The following RGS6 variants were observed in gnomAD, a reference collection of about 807,000 sequenced individuals.
RGS6 encodes regulator of G-protein signaling 6.
RGS6 carries 30 observed loss-of-function variants against 78.5 expected under a neutral mutation model. That is an observed-to-expected ratio of 0.38 (90% CI 0.29 to 0.52). RGS6 has a LOEUF of 0.52. Among genes scored for constraint, RGS6 ranks in the 20% least tolerant of loss-of-function variants. The pLI, the probability that RGS6 is intolerant of heterozygous loss-of-function variation, is 0.85. For synonymous variants in RGS6, 206 were observed against 206.0 expected, an observed-to-expected ratio of 1.00 and a Z score of 0.00; for missense variants, 495 against 609.7, an observed-to-expected ratio of 0.81 and a Z score of 1.98.
intron 2 of RGS6, among the ~76,000 whole-genome samples, chr14:72,168,470 C>G (rs187682133): frequency 3.3e-5 from 5 of 152,004 alleles, no homozygotes; most frequent in Non-Finnish European, 5.9e-5. Context: ...GAGCACTGGT[C>G]GAGATGTTCC....
chr14:72,501,560 T>C (rs555899968), intron 13 of RGS6, among the ~76,000 whole-genome samples: 30 of 152,170 alleles, frequency 2.0e-4, no homozygotes, highest in Admixed American at 1.3e-4. Flanking sequence ...AAGAAAATAG[T>C]GATTGCCAGG....
At chr14:72,012,213 T>A (rs1330459804) in intron 2 of RGS6, among the ~76,000 whole-genome samples, 2 of 152,142 alleles carry the variant, frequency 1.3e-5, no homozygotes, top group African/African-American at 4.8e-5. Context: ...TTAAAAAAAA[T>A]TTAGACAAGC....
At chr14:72,334,917 A>T (rs1225680832) in intron 2 of RGS6, among the ~76,000 whole-genome samples, 1 of 152,028 alleles carries the variant, frequency 6.6e-6, no homozygotes, top group Non-Finnish European at 1.5e-5. Context: ...GCAGCCTCTG[A>T]TATGGTTTGG....
At chr14:71,943,602 GC>G in intron 1 of RGS6, among the ~76,000 whole-genome samples, 1 of 152,312 alleles carries the variant, frequency 6.6e-6, no homozygotes. Context: ...GGAGAAGGCA[GC>G]GTGGGCAAGA....
chr14:72,375,227 A>T (rs984173229), intron 3 of RGS6, among the ~76,000 whole-genome samples: 3 of 152,212 alleles, frequency 2.0e-5, no homozygotes, highest in Non-Finnish European at 4.4e-5. Flanking sequence ...AAATTTAAAG[A>T]TCTAATAGTT....
At chr14:72,308,953 CT>C (rs1433528983) in intron 2 of RGS6, among the ~76,000 whole-genome samples, 1 of 152,144 alleles carries the variant, frequency 6.6e-6, no homozygotes, top group African/African-American at 2.4e-5. Context: ...TCTAAAAAGC[CT>C]CTCTCAACAG....
At chr14:72,438,536 C>T (rs578011052) in intron 3 of RGS6, among the ~76,000 whole-genome samples, 3 of 152,324 alleles carry the variant, frequency 2.0e-5, no homozygotes, top group East Asian at 1.9e-4. Context: ...TAAGCTCCAC[C>T]GTGCACCCAA....
intron 17 of RGS6, among the ~76,000 whole-genome samples, chr14:72,558,767 C>G (rs2097625263): frequency 6.6e-6 from 1 of 152,206 alleles, no homozygotes; most frequent in Non-Finnish European, 1.5e-5. Context: ...CTGGATTACA[C>G]TTTGCCAAAT....
chr14:72,174,249 A>G (rs866330497), intron 2 of RGS6, among the ~76,000 whole-genome samples: 13 of 152,362 alleles, frequency 8.5e-5, no homozygotes, highest in Middle Eastern at 6.8e-3. Context: ...CTGGGATTAC[A>G]GGCATAGGCC....
chr14:72,381,975 T>C (rs2086256064), intron 3 of RGS6, among the ~76,000 whole-genome samples: 1 of 151,938 alleles, frequency 6.6e-6, no homozygotes, highest in Non-Finnish European at 1.5e-5. Flanking sequence ...AAAAACAGTG[T>C]CTTAAAATAA....
chr14:72,272,046 GC>G (rs1276147869), intron 2 of RGS6, among the ~76,000 whole-genome samples: 1 of 151,598 alleles, frequency 6.6e-6, no homozygotes, highest in African/African-American at 2.4e-5. Context: ...TTAATTCTAA[GC>G]AATCTTAATT....
chr14:72,451,915 C>G (rs1206343022), intron 3 of RGS6, among the ~76,000 whole-genome samples: 1 of 152,038 alleles, frequency 6.6e-6, no homozygotes, highest in Non-Finnish European at 1.5e-5. Flanking sequence ...CCACGCCTGG[C>G]TAATGTTTTG....
the RGS6 span, among the ~76,000 whole-genome samples, chr14:71,923,074 C>T: frequency 6.6e-6 from 1 of 152,074 alleles, no homozygotes; most frequent in Non-Finnish European, 1.5e-5. Context: ...TTCCAAAAGC[C>T]CCCAGCATAT....
intron 2 of RGS6, among the ~76,000 whole-genome samples, chr14:72,143,857 TAATAA>T (rs1341582215): frequency 1.3e-5 from 2 of 152,220 alleles, no homozygotes; most frequent in African/African-American, 4.8e-5. Flanking sequence ...AGATAGCATT[TAATAA>T]AATATTTGTT....
chr14:72,332,295 C>G (rs2238199), intron 2 of RGS6, among the ~76,000 whole-genome samples: 1 of 152,000 alleles, frequency 6.6e-6, no homozygotes, highest in African/African-American at 2.4e-5. Flanking sequence ...GAGCGTTGGC[C>G]ATCTTCCAGG....
chr14:72,246,292 A>C (rs988395932), intron 2 of RGS6, among the ~76,000 whole-genome samples: 1 of 152,172 alleles, frequency 6.6e-6, no homozygotes, highest in African/African-American at 2.4e-5. Flanking sequence ...ACCTAGTCCT[A>C]CGTTTAAAAA....
chr14:72,154,010 C>T (rs1314228111), intron 2 of RGS6, among the ~76,000 whole-genome samples: 1 of 152,162 alleles, frequency 6.6e-6, no homozygotes, highest in Non-Finnish European at 1.5e-5. Context: ...ATCTCAACCG[C>T]ATAGGACAGA....
intron 2 of RGS6, among the ~76,000 whole-genome samples, chr14:72,232,931 C>G (rs918619121): frequency 5.9e-5 from 9 of 152,134 alleles, no homozygotes; most frequent in African/African-American, 2.2e-4. Context: ...CCTGGGGCAC[C>G]AAGCAGAGCA....
intron 3 of RGS6, among the ~76,000 whole-genome samples, chr14:72,419,079 T>A (rs141604745): frequency 2.0e-5 from 3 of 152,318 alleles, no homozygotes; most frequent in African/African-American, 7.2e-5. Context: ...CCAGTAAAAC[T>A]AACTAGAGAC....
Sources: gnomAD v4.1 joint callset for allele counts (sites outside exome capture counted in the v4.1 genomes callset) on GRCh38, gnomAD v4.1.1 for gene constraint, MANE v1.5 for transcripts, NCBI Gene and HGNC (gene_info 2026-07-23, HGNC 2026-07-21) for gene names.